The following SLC1A1 variants were observed in gnomAD, a reference collection of about 807,000 sequenced individuals.
SLC1A1 encodes the protein solute carrier family 1 member 1.
Under a neutral mutation model 53.3 loss-of-function variants are expected in SLC1A1, and 43 were observed. That is an observed-to-expected ratio of 0.81 (90% CI 0.63 to 1.04). SLC1A1 has a LOEUF of 1.04. SLC1A1 is among the 50% of genes least tolerant of loss of function. The probability of loss-of-function intolerance (pLI) is 0.00; values close to 1 mark genes in which losing one functional copy is unlikely to be tolerated. For missense variants in SLC1A1, 748 were observed against 664.9 expected, an observed-to-expected ratio of 1.12 and a Z score of -1.37; for synonymous variants, 307 against 243.2, an observed-to-expected ratio of 1.26 and a Z score of -2.44.
Position 4,490,561 on chromosome 9 carries a change from G to A in SLC1A1, c.-119G>A, listed in dbSNP as rs2130782077. 1.5e-6 allele frequency: 1 copy of A among 654,320 alleles called. No homozygotes were observed. The highest frequency in any genetic ancestry group is 2.5e-6 in the Non-Finnish European group (1 of 399,334). 40.5% of individuals were successfully genotyped at this position (654,320 alleles called of 1,614,324 possible). ...GGTGACGGCGGCGACTGCAGCGGCC[G>A]GCTCTCACCTCTCCCCTGTGCACCC... On this transcript the variant is annotated 5_prime_UTR_variant, in exon 1 of 12. Transcript: ENST00000262352.
At chr9:4,555,628 A>G (rs977697977) in intron 2 of SLC1A1, among the ~76,000 whole-genome samples, 3 of 152,142 alleles carry the variant, frequency 2.0e-5, no homozygotes, top group Admixed American at 2.0e-4. Flanking sequence ...ACAACCGGGG[A>G]TTTTATCCCT....
intron 1 of SLC1A1, among the ~76,000 whole-genome samples, chr9:4,515,318 G>A (rs756380859): frequency 2.0e-5 from 3 of 152,148 alleles, no homozygotes; most frequent in Non-Finnish European, 2.9e-5. Flanking sequence ...TTTTCTGATG[G>A]GAAGAGTATC....
At chr9:4,581,728 C>T (rs1821116453) in intron 10 of SLC1A1, among the ~76,000 whole-genome samples, 1 of 152,214 alleles carries the variant, frequency 6.6e-6, no homozygotes, top group African/African-American at 2.4e-5. Context: ...ACCTTTGAGA[C>T]TGAGGCCTGA....
chr9:4,506,956 C>T (rs533994437), intron 1 of SLC1A1, among the ~76,000 whole-genome samples: 6 of 152,116 alleles, frequency 3.9e-5, no homozygotes, highest in East Asian at 1.9e-4. Context: ...AGTAGGCTGG[C>T]GGCAGTGGCT....
chr9:4,585,197 G>A, intron 11 of SLC1A1, 115 bp from the exon 12 acceptor site: 5 of 1,389,112 alleles, frequency 3.6e-6, no homozygotes, highest in Non-Finnish European at 5.1e-6. Context: ...CATGAGGACA[G>A]CACTTTCTGC....
chr9:4,526,003 A>G (rs1008411308), intron 1 of SLC1A1, among the ~76,000 whole-genome samples: 8 of 152,170 alleles, frequency 5.3e-5, no homozygotes, highest in Non-Finnish European at 1.0e-4. Context: ...TTATATGCAT[A>G]TACTGAAAAA....
intron 1 of SLC1A1, among the ~76,000 whole-genome samples, chr9:4,492,204 A>G (rs1820259926): frequency 6.6e-6 from 1 of 152,142 alleles, no homozygotes; most frequent in African/African-American, 2.4e-5. Flanking sequence ...ACTCTACCAT[A>G]TTTAAATAGC....
chr9:4,494,732 G>T (rs1315832722), intron 1 of SLC1A1, among the ~76,000 whole-genome samples: 1 of 152,022 alleles, frequency 6.6e-6, no homozygotes, highest in Non-Finnish European at 1.5e-5. Flanking sequence ...TGTCCAAGCA[G>T]AATTACTGAG....
chr9:4,527,237 G>A (rs1251217365), intron 1 of SLC1A1, among the ~76,000 whole-genome samples: 2 of 152,146 alleles, frequency 1.3e-5, no homozygotes, highest in Non-Finnish European at 2.9e-5. Context: ...GCTCCAGGAA[G>A]GAATACAGCC....
chr9:4,572,232 G>T lies in SLC1A1; in HGVS notation c.611G>T (p.Gly204Val), dbSNP rs1228786447. Reference sequence around the variant, plus strand: ...AAAACAAAGGAATACAAAATTGTTGGCATGTATTCAGATGGCATAAACGTC... The same window carrying T: ...AAAACAAAGGAATACAAAATTGTTGTCATGTATTCAGATGGCATAAACGTC... Reference protein sequence around the residue: ...KNKTKEYKIVGMYSDGINVLG... With the variant: ...KNKTKEYKIVVMYSDGINVLG... The change falls in exon 7 of 12, where the codon GGC (glycine) becomes GTC (valine). Residue 204 changes from glycine to valine, a missense_variant. Coordinates refer to ENST00000262352, the MANE Select transcript of SLC1A1 (RefSeq NM_004170.6). The T allele has an allele frequency of 8.7e-6, 14 of 1,613,396 alleles. No individual in the cohort carries two copies. The Admixed American group carries it at 2.3e-4, about 27-fold the overall frequency.
At chr9:4,567,826 G>A (rs1819633057) in intron 6 of SLC1A1, 59 bp downstream of exon 6, 1 of 1,031,442 alleles carries the variant, frequency 9.7e-7, no homozygotes, top group Non-Finnish European at 1.5e-6. Flanking sequence ...TCATGACTGA[G>A]CAGGAAATAC....
chr9:4,533,160 G>A (rs568659859), intron 1 of SLC1A1, among the ~76,000 whole-genome samples: 13 of 152,080 alleles, frequency 8.5e-5, no homozygotes, highest in Admixed American at 2.6e-4. Context: ...ATCAACTAAC[G>A]AGCAAAATAA....
chr9:4,551,052 A>T (rs1817889176), intron 2 of SLC1A1, among the ~76,000 whole-genome samples: 1 of 152,230 alleles, frequency 6.6e-6, no homozygotes, highest in Non-Finnish European at 1.5e-5. Context: ...TCCAGGTAAC[A>T]AAATAAACTA....
At chr9:4,533,703 A>C (rs1197405365) in intron 1 of SLC1A1, among the ~76,000 whole-genome samples, 1 of 152,214 alleles carries the variant, frequency 6.6e-6, no homozygotes, top group African/African-American at 2.4e-5. Context: ...TCAGCTCTGC[A>C]CCAAGCAGAC....
chr9:4,574,834 T>C (rs958636737), intron 8 of SLC1A1, among the ~76,000 whole-genome samples: 1 of 152,208 alleles, frequency 6.6e-6, no homozygotes, highest in Admixed American at 6.5e-5. Context: ...TTGATCGTAT[T>C]GGAGATTTCC....
chr9:4,533,483 G>C (rs1816555584), intron 1 of SLC1A1, among the ~76,000 whole-genome samples: 3 of 152,132 alleles, frequency 2.0e-5, no homozygotes, highest in South Asian at 2.1e-4. Context: ...TTACATAATG[G>C]TAAAGGGATC....
chr9:4,568,789 G>T (rs1819745380), intron 6 of SLC1A1, among the ~76,000 whole-genome samples: 1 of 152,132 alleles, frequency 6.6e-6, no homozygotes, highest in Non-Finnish European at 1.5e-5. Context: ...GTGCCTTAGG[G>T]AGAAAATTTG....
rs574366268 is a variant in SLC1A1 at position 4,529,761 on chromosome 9, C to T, written c.92-14806C>T. On this transcript the variant is annotated intron_variant, in intron 1 of 11. Coordinates refer to ENST00000262352, the MANE Select transcript of SLC1A1 (RefSeq NM_004170.6). ...CCCAGGCTGATCTCAAATTCCTGGG[C>T]TCCCACCTTGGCTTCACAAAGTACT... 5.3e-5 allele frequency among the ~76,000 whole-genome samples: 8 copies of T among 152,240 alleles called. No homozygotes were observed. The South Asian group carries it at 8.3e-4, about 16-fold the overall frequency.
chr9:4,547,034 GA>G (rs1338579019), intron 2 of SLC1A1, among the ~76,000 whole-genome samples: 4 of 152,180 alleles, frequency 2.6e-5, no homozygotes, highest in African/African-American at 2.4e-5. Context: ...GGTTTTAGAA[GA>G]AAAGGTAAAA....
Sources: allele counts gnomAD v4.1 joint callset (sites outside exome capture counted in the v4.1 genomes callset), GRCh38; gene constraint gnomAD v4.1.1; transcripts MANE v1.5; gene names NCBI Gene and HGNC (gene_info 2026-07-23, HGNC 2026-07-21).